Variants in COL4A5 observed in about 807,000 individuals in gnomAD.
COL4A5 encodes collagen alpha-5(IV) chain.
COL4A5 carries 26 observed loss-of-function variants against 130.2 expected under a neutral mutation model. That is an observed-to-expected ratio of 0.20 (90% CI 0.15 to 0.28). The LOEUF (loss-of-function observed/expected upper bound fraction) is 0.28. Among genes scored for constraint, COL4A5 ranks in the 10% least tolerant of loss-of-function variants. The pLI, the probability that COL4A5 is intolerant of heterozygous loss-of-function variation, is 1.00. For missense variants in COL4A5, 1,131 were observed against 1,344.3 expected (o/e 0.84, Z 2.48); for synonymous variants, 496 against 439.6 (o/e 1.13, Z -1.60).
At chrX:108,542,412 C>T (rs930890203) in intron 2 of COL4A5, among the ~76,000 whole-genome samples, 3 of 110,690 alleles carry the variant, frequency 2.7e-5, no homozygotes, top group African/African-American at 1.0e-4. Flanking sequence ...CCAGCTTCAT[C>T]CATGTCCCTA....
intron 36 of COL4A5, among the ~76,000 whole-genome samples, chrX:108,652,582 C>A (rs1249598185): frequency 8.9e-6 from 1 of 112,356 alleles, no homozygotes; most frequent in South Asian, 3.7e-4. Flanking sequence ...TAGATGTCTT[C>A]TGTTCTGTAA....
Position 108,681,788 on chromosome X carries a change from A to G in COL4A5, c.4116A>G (p.Gly1372=). The change falls in exon 47 of 53, where the codon GGA becomes GGG. Residue 1372 remains glycine (G), a synonymous_variant. Transcript: ENST00000328300. ...PGPPGLPGPS[G]QSIIIKGDAG... is the part of the protein sequence containing the mutation. ...CTCCTGGATTACCTGGTCCTTCAGGACAGAGTATCATAATTAAAGGAGATG... is the reference window on the plus strand; with the variant it reads ...CTCCTGGATTACCTGGTCCTTCAGGGCAGAGTATCATAATTAAAGGAGATG... 1.7e-6 allele frequency: 2 copies of G among 1,208,458 alleles called. No homozygotes were observed. The highest frequency in any genetic ancestry group is 2.2e-6 in the Non-Finnish European group (2 of 893,057).
Position 108,578,397 on chromosome X carries a change from G to C in COL4A5, c.780+14G>C, listed in dbSNP as rs764706703. The C allele has an allele frequency of 2.5e-5, 28 of 1,128,578 alleles. No individual in the cohort carries two copies. In the Admixed American group the frequency reaches 5.9e-4, roughly 24 times the overall value. The allele number at this position is 1,128,578 out of a possible 1,213,427, so 93.0% of individuals were successfully genotyped here. A position where few individuals can be genotyped will look rare whatever the true frequency, so the allele number is the denominator to read the frequency against. Reference sequence around the variant, plus strand: ...AAAGGAGATCAGGTGAGTAAGTAGGGAGGAAGTCAATGAAAATCTTGCTAT... The same window carrying C: ...AAAGGAGATCAGGTGAGTAAGTAGGCAGGAAGTCAATGAAAATCTTGCTAT... On this transcript the variant is annotated intron_variant, in intron 13 of 52. Transcript: ENST00000328300.
At chrX:108,640,280 C>A (rs2147902007) in intron 36 of COL4A5, among the ~76,000 whole-genome samples, 1 of 111,204 alleles carries the variant, frequency 9.0e-6, no homozygotes, top group African/African-American at 3.3e-5. Flanking sequence ...GTGAAATAAG[C>A]CAGTTATAAA....
intron 1 of COL4A5, among the ~76,000 whole-genome samples, chrX:108,529,517 C>T (rs1342118268): frequency 9.0e-6 from 1 of 110,814 alleles, no homozygotes; most frequent in Non-Finnish European, 1.9e-5. Context: ...ACCAGAAAAC[C>T]ATTAACAAAA....
chrX:108,490,742 T>G (rs1276559392), intron 1 of COL4A5, among the ~76,000 whole-genome samples: 1 of 111,082 alleles, frequency 9.0e-6, no homozygotes, highest in Non-Finnish European at 1.9e-5. Context: ...TATTATTACA[T>G]CACCCATGAA....
chrX:108,684,038 C>T (rs192185958), intron 47 of COL4A5, among the ~76,000 whole-genome samples: 4 of 111,333 alleles, frequency 3.6e-5, no homozygotes, highest in Admixed American at 2.9e-4. Flanking sequence ...GAAATTAAGG[C>T]AGAAGTAAAT....
chrX:108,575,797 A>G (rs1182456754), intron 9 of COL4A5, 113 bp from the exon 10 acceptor site: 1 of 532,764 alleles, frequency 1.9e-6, no homozygotes, highest in Non-Finnish European at 3.3e-6. Flanking sequence ...AGATCATGCC[A>G]TTGCACTCCA....
chrX:108,676,889 C>G, intron 43 of COL4A5: 1 of 112,252 alleles, frequency 8.9e-6, no homozygotes, highest in Non-Finnish European at 1.9e-5. Flanking sequence ...TTCCACAAAG[C>G]ACTTGTTAGA....
chrX:108,450,854 TTTA>T (rs1437188000), intron 1 of COL4A5, among the ~76,000 whole-genome samples: 1 of 110,184 alleles, frequency 9.1e-6, no homozygotes, highest in Non-Finnish European at 1.9e-5. Context: ...TTATTTTTAT[TTTA>T]TTATTATTAT....
chrX:108,641,084 G>A (rs1257814146), intron 36 of COL4A5, among the ~76,000 whole-genome samples: 2 of 111,682 alleles, frequency 1.8e-5, no homozygotes, highest in Non-Finnish European at 3.8e-5. Flanking sequence ...ACAAATGTTG[G>A]CAAGGATGTG....
At chrX:108,580,418 A>G in intron 13 of COL4A5, 115 bp from the exon 14 acceptor site, 1 of 640,482 alleles carries the variant, frequency 1.6e-6, no homozygotes, top group Non-Finnish European at 2.7e-6. Flanking sequence ...TTGCTCCAAC[A>G]TAGATGTAGC....
At chrX:108,450,122 T>C (rs1179078330) in intron 1 of COL4A5, among the ~76,000 whole-genome samples, 2 of 112,224 alleles carry the variant, frequency 1.8e-5, no homozygotes, top group Non-Finnish European at 3.8e-5. Flanking sequence ...AGTGTATGTC[T>C]TTTTAATATT....
At chrX:108,661,444 A>G (rs940063537) in intron 37 of COL4A5, among the ~76,000 whole-genome samples, 9 of 111,824 alleles carry the variant, frequency 8.0e-5, no homozygotes, top group African/African-American at 2.9e-4. Context: ...AAGAGTTATC[A>G]TATTTTTCCA....
intron 8 of COL4A5, among the ~76,000 whole-genome samples, chrX:108,572,962 GT>G (rs774509772): frequency 9.0e-6 from 1 of 110,963 alleles, no homozygotes; most frequent in Non-Finnish European, 1.9e-5. Context: ...TGTGCCAAAC[GT>G]TTTGCTTTTA....
intron 1 of COL4A5, among the ~76,000 whole-genome samples, chrX:108,469,171 T>C (rs1401922719): frequency 4.0e-5 from 4 of 98,986 alleles, no homozygotes; most frequent in Admixed American, 1.1e-4. Context: ...CTCTCTCTCT[T>C]TTTTTTTTTT....
chrX:108,587,609 A>T (rs2066358042), intron 19 of COL4A5, among the ~76,000 whole-genome samples: 1 of 111,554 alleles, frequency 9.0e-6, no homozygotes, highest in Non-Finnish European at 1.9e-5. Flanking sequence ...TTGAATTACT[A>T]ATTTATTTTC....
intron 4 of COL4A5, among the ~76,000 whole-genome samples, chrX:108,564,484 C>A (rs1236382460): frequency 8.9e-6 from 1 of 112,144 alleles, no homozygotes; most frequent in Non-Finnish European, 1.9e-5. Context: ...AATAAGGATG[C>A]ATCTCAAAAT....
chrX:108,456,559 G>A (rs1277272635), intron 1 of COL4A5, among the ~76,000 whole-genome samples: 1 of 111,093 alleles, frequency 9.0e-6, no homozygotes, highest in East Asian at 2.8e-4. Context: ...TTTTGTCCTG[G>A]CTATCTTATT....
Sources: allele counts gnomAD v4.1 joint callset (sites outside exome capture counted in the v4.1 genomes callset), GRCh38; gene constraint gnomAD v4.1.1; transcripts MANE v1.5; gene names NCBI Gene and HGNC (gene_info 2026-07-23, HGNC 2026-07-21).